CHRM1: variants seen among roughly 807,000 people sequenced by gnomAD.
The protein encoded by CHRM1 is cholinergic receptor muscarinic 1.
CHRM1 carries 5 observed loss-of-function variants against 31.6 expected under a neutral mutation model. The observed-to-expected ratio is 0.16, with a 90% CI of 0.08 to 0.33. The LOEUF is 0.33. Among genes scored for constraint, CHRM1 ranks in the 10% least tolerant of loss-of-function variants. The pLI is 1.00. For missense variants in CHRM1, 338 were observed against 610.3 expected, an observed-to-expected ratio of 0.55 and a Z score of 4.70; for synonymous variants, 227 against 249.7, an observed-to-expected ratio of 0.91 and a Z score of 0.86.
chr11:62,909,805 C>G lies in CHRM1; in HGVS notation c.1296G>C (p.Leu432=). The G allele has an allele frequency of 6.2e-7, 1 of 1,614,264 alleles. No individual in the cohort carries two copies. The highest frequency in any genetic ancestry group is 8.5e-7 in the Non-Finnish European group (1 of 1,180,044). The change falls in exon 2 of 2, where the codon CTG becomes CTC. Residue 432 remains leucine, a synonymous_variant. Coordinates refer to ENST00000306960, the MANE Select transcript of CHRM1 (RefSeq NM_000738.3). ...NKAFRDTFRL[L]LLCRWDKRRW... ...GTCTCTTGTCCCAGCGGCAAAGCAG[C>G]AGCAGGCGAAAGGTGTCCCGGAAGG...
chr11:62,913,221 A>G (rs932677937), intron 1 of CHRM1, among the ~76,000 whole-genome samples: 1 of 152,158 alleles, frequency 6.6e-6, no homozygotes, highest in Non-Finnish European at 1.5e-5. Flanking sequence ...AAAATGGGAT[A>G]ATACCCATTA....
chr11:62,916,961 A>G (rs1278151705), intron 1 of CHRM1: 1 of 152,232 alleles, frequency 6.6e-6, no homozygotes, highest in African/African-American at 2.4e-5. Context: ...TCTGCCCCCT[A>G]TGACGCAGTA....
At chr11:62,914,252 C>T (rs1018391737) in intron 1 of CHRM1, among the ~76,000 whole-genome samples, 1 of 151,962 alleles carries the variant, frequency 6.6e-6, no homozygotes, top group Non-Finnish European at 1.5e-5. Flanking sequence ...CCTATTGTCT[C>T]CATTTTATAG....
At chr11:62,911,998 A>G (rs2085873615) in intron 1 of CHRM1, among the ~76,000 whole-genome samples, 5 of 151,964 alleles carry the variant, frequency 3.3e-5, no homozygotes, top group African/African-American at 1.2e-4. Flanking sequence ...AGGGGGTGGT[A>G]TTTGGGGCTG....
At chr11:62,915,693 C>A (rs2085896829) in intron 1 of CHRM1, among the ~76,000 whole-genome samples, 1 of 152,162 alleles carries the variant, frequency 6.6e-6, no homozygotes, top group African/African-American at 2.4e-5. Flanking sequence ...CATCAGTAAC[C>A]AGTCGACCTT....
At chr11:62,915,117 G>A (rs371929761) in intron 1 of CHRM1, among the ~76,000 whole-genome samples, 1 of 142,588 alleles carries the variant, frequency 7.0e-6, no homozygotes, top group East Asian at 2.1e-4. Context: ...AGAGGTTGCA[G>A]TGAGCCGCGA....
At chr11:62,919,666 G>A (rs2085920798) in intron 1 of CHRM1, among the ~76,000 whole-genome samples, 1 of 151,872 alleles carries the variant, frequency 6.6e-6, no homozygotes, top group Non-Finnish European at 1.5e-5. Context: ...GAAACCCAGC[G>A]CAATTCACCC....
At chr11:62,912,367 CAA>C (rs571661164) in intron 1 of CHRM1, among the ~76,000 whole-genome samples, 6 of 67,252 alleles carry the variant, frequency 8.9e-5, no homozygotes, top group Admixed American at 1.7e-4. Context: ...GACTCCATCT[CAA>C]AAAAAAAAAA....
At chr11:62,915,096 G>A (rs1047211720) in intron 1 of CHRM1, among the ~76,000 whole-genome samples, 6 of 147,022 alleles carry the variant, frequency 4.1e-5, no homozygotes, top group Non-Finnish European at 7.4e-5. Context: ...GATCACTTGA[G>A]CCCAGGAGGC....
chr11:62,915,883 C>T (rs1022445902), intron 1 of CHRM1, among the ~76,000 whole-genome samples: 2 of 152,158 alleles, frequency 1.3e-5, no homozygotes, highest in African/African-American at 2.4e-5. Context: ...GATTTCAGCT[C>T]ACTGCAACCT....
intron 1 of CHRM1, among the ~76,000 whole-genome samples, chr11:62,917,313 A>G (rs968520625): frequency 2.0e-5 from 3 of 152,190 alleles, no homozygotes; most frequent in Non-Finnish European, 4.4e-5. Context: ...GGGACTTAGG[A>G]CAGCCAGCTG....
chr11:62,912,304 G>T (rs1465616857), intron 1 of CHRM1, among the ~76,000 whole-genome samples: 1 of 146,218 alleles, frequency 6.8e-6, no homozygotes, highest in Non-Finnish European at 1.5e-5. Flanking sequence ...GGAGGCGGAG[G>T]TTGCAGTGAG....
chr11:62,914,032 T>C (rs1363761318), intron 1 of CHRM1, among the ~76,000 whole-genome samples: 2 of 151,722 alleles, frequency 1.3e-5, no homozygotes, highest in Non-Finnish European at 2.9e-5. Context: ...AACCTCCGCC[T>C]CCGGGTTCAC....
intron 1 of CHRM1, among the ~76,000 whole-genome samples, chr11:62,915,842 C>A (rs1283884382): frequency 6.6e-6 from 1 of 152,146 alleles, no homozygotes; most frequent in African/African-American, 2.4e-5. Flanking sequence ...TGGACTCTCA[C>A]TCTGTCACCC....
Position 62,910,492 on chromosome 11 carries a change from G to A in CHRM1, c.609C>T (p.Val203=), listed in dbSNP as rs1219989158. Residue 203 remains valine (V), a synonymous_variant, in exon 2 of 2, where the codon GTC becomes GTT. Transcript: ENST00000306960. The surrounding 1 kb of genome is among the most constrained non-coding windows in gnomAD (Gnocchi z 8.7). ...AGATGCGCCAGTAGAGCGTGCACAT[G>A]ACTGTGACAGGGAGGTAGAAGGCAG... ...AMAAFYLPVT[V]MCTLYWRIYR... is the part of the protein sequence containing the mutation. The A allele has an allele frequency of 2.5e-6, 4 of 1,614,070 alleles. No individual in the cohort carries two copies. The highest frequency in any genetic ancestry group is 3.4e-6 in the Non-Finnish European group (4 of 1,180,050).
intron 1 of CHRM1, chr11:62,917,986 A>G (rs1005313906): frequency 8.5e-5 from 13 of 152,160 alleles, no homozygotes; most frequent in African/African-American, 2.7e-4. Flanking sequence ...GAAGGACCTT[A>G]CAGCTCATCA....
chr11:62,912,104 C>A (rs1029801842), intron 1 of CHRM1, among the ~76,000 whole-genome samples: 1 of 151,864 alleles, frequency 6.6e-6, no homozygotes, highest in African/African-American at 2.4e-5. Context: ...CGTGGTGGCT[C>A]ACACCTGTAA....
chr11:62,912,366 T>TTA (rs2085875942), intron 1 of CHRM1, among the ~76,000 whole-genome samples: 1 of 76,666 alleles, frequency 1.3e-5, no homozygotes, highest in Non-Finnish European at 2.6e-5. Context: ...AGACTCCATC[T>TTA]CAAAAAAAAA....
chr11:62,916,827 A>G (rs1408741155), intron 1 of CHRM1: 1 of 152,226 alleles, frequency 6.6e-6, no homozygotes, highest in Non-Finnish European at 1.5e-5. Context: ...CCACCTCAGC[A>G]AAACCCCTCT....
Sources: allele counts gnomAD v4.1 joint callset (sites outside exome capture counted in the v4.1 genomes callset), GRCh38; gene constraint gnomAD v4.1.1; non-coding constraint Gnocchi (gnomAD v3.1); transcripts MANE v1.5; gene names NCBI Gene and HGNC (gene_info 2026-07-23, HGNC 2026-07-21).